Variants in GNAO1 observed in about 807,000 individuals in gnomAD.
GNAO1 encodes G protein subunit alpha o1.
For missense variants in GNAO1, 166 were observed against 478.7 expected (o/e 0.35, Z 6.10); for synonymous variants, 164 against 180.7 (o/e 0.91, Z 0.74).
chr16:56,216,567 A>G (rs770808773), intron 2 of GNAO1, among the ~76,000 whole-genome samples: 8 of 152,252 alleles, frequency 5.3e-5, no homozygotes, highest in African/African-American at 9.6e-5. Flanking sequence ...TAAGTGTTCA[A>G]GTCTTGTCTC....
chr16:56,206,324 T>TA (rs562270212), intron 2 of GNAO1, among the ~76,000 whole-genome samples: 16,363 of 113,118 alleles, frequency 0.14, 1,110 homozygotes, highest in African/African-American at 0.18. Flanking sequence ...CATCTCAATT[T>TA]AAAAAAAAAA....
chr16:56,324,321 G>A (rs880788), intron 3 of GNAO1, among the ~76,000 whole-genome samples: 1 of 152,140 alleles, frequency 6.6e-6, no homozygotes, highest in African/African-American at 2.4e-5. Context: ...TGATCCTCAG[G>A]TCCAGGGAAG....
At chr16:56,251,348 AGTTCT>A (rs1236379772) in intron 2 of GNAO1, among the ~76,000 whole-genome samples, 3 of 152,252 alleles carry the variant, frequency 2.0e-5, no homozygotes, top group African/African-American at 7.2e-5. Flanking sequence ...CGAGGAGAGA[AGTTCT>A]TAAAACTTCT....
chr16:56,195,819 A>G (rs1445994059), intron 2 of GNAO1, among the ~76,000 whole-genome samples: 1 of 152,234 alleles, frequency 6.6e-6, no homozygotes, highest in African/African-American at 2.4e-5. Flanking sequence ...CAGAAGAGCA[A>G]AGAGTCATTC....
At chr16:56,255,005 G>A (rs1223410122) in intron 2 of GNAO1, among the ~76,000 whole-genome samples, 1 of 152,096 alleles carries the variant, frequency 6.6e-6, no homozygotes, top group Non-Finnish European at 1.5e-5. Flanking sequence ...CGTTAAAATT[G>A]TTTCCCTGTC....
intron 2 of GNAO1, among the ~76,000 whole-genome samples, chr16:56,222,396 AGTGGGCTGTCCATCTAAAGGT>A (rs2036498593): frequency 6.6e-6 from 1 of 152,196 alleles, no homozygotes; most frequent in Admixed American, 6.5e-5. Context: ...ACTAGGAGGT[AGTGGGCTGTCCATCTAAAGGT>A]GTCCTTATAA....
intron 2 of GNAO1, among the ~76,000 whole-genome samples, chr16:56,274,789 A>T (rs1418651339): frequency 6.6e-6 from 1 of 152,216 alleles, no homozygotes; most frequent in African/African-American, 2.4e-5. Context: ...CTGCTAATGG[A>T]TACAAAGTTC....
chr16:56,318,434 G>GTC (rs1371157122), intron 3 of GNAO1, among the ~76,000 whole-genome samples: 1 of 152,224 alleles, frequency 6.6e-6, no homozygotes, highest in African/African-American at 2.4e-5. Flanking sequence ...GCAATGCCTG[G>GTC]TCTCTGGCTC....
At chr16:56,213,496 G>T in intron 2 of GNAO1, 1 of 394,824 alleles carries the variant, frequency 2.5e-6, no homozygotes, top group Middle Eastern at 6.4e-4. Context: ...GTTAGTTTTG[G>T]TTTTGGGGGT....
At chr16:56,202,843 A>C (rs1384493761) in intron 2 of GNAO1, among the ~76,000 whole-genome samples, 1 of 152,228 alleles carries the variant, frequency 6.6e-6, no homozygotes, top group Non-Finnish European at 1.5e-5. Flanking sequence ...TATTTGTCTC[A>C]CACCTATTAT....
chr16:56,346,026 T>A, intron 6 of GNAO1: 1 of 985,126 alleles, frequency 1.0e-6, no homozygotes, highest in Non-Finnish European at 1.2e-6. Context: ...TCCCTAGAAC[T>A]GGGGCTGGAG....
At chr16:56,347,027 A>G in intron 6 of GNAO1, 2 of 985,440 alleles carry the variant, frequency 2.0e-6, no homozygotes, top group Admixed American at 6.1e-5. Flanking sequence ...TCTAGCCTGC[A>G]TCCTTCCTGG....
intron 3 of GNAO1, among the ~76,000 whole-genome samples, chr16:56,309,491 C>T (rs1198485110): frequency 6.6e-6 from 1 of 152,146 alleles, no homozygotes; most frequent in Admixed American, 6.5e-5. Context: ...ACCTTGAAAC[C>T]AAGACCAAGG....
intron 2 of GNAO1, among the ~76,000 whole-genome samples, chr16:56,252,718 C>G (rs763806548): frequency 6.6e-6 from 1 of 152,214 alleles, no homozygotes; most frequent in Non-Finnish European, 1.5e-5. Flanking sequence ...CATCCACACC[C>G]CCACATCAGG....
intron 2 of GNAO1, among the ~76,000 whole-genome samples, chr16:56,232,690 T>G (rs531069884): frequency 6.6e-6 from 1 of 152,340 alleles, no homozygotes; most frequent in South Asian, 2.1e-4. Context: ...TACTCAGCAC[T>G]TACTTTTCAT....
chr16:56,256,716 CTCTGTGTGTGTGTGTGTGTGTG>C (rs1369269901), intron 2 of GNAO1, among the ~76,000 whole-genome samples: 38 of 90,366 alleles, frequency 4.2e-4, no homozygotes, highest in Middle Eastern at 6.5e-3. Context: ...CTCTCTCTCT[CTCTGTGTGTGTGTGTGTGTGTG>C]TGTGTGTGTG....
chr16:56,252,356 A>C (rs1398801154), intron 2 of GNAO1, among the ~76,000 whole-genome samples: 4 of 152,194 alleles, frequency 2.6e-5, no homozygotes, highest in Non-Finnish European at 4.4e-5. Flanking sequence ...AAGGCTAGGG[A>C]AAGCAGTAAG....
chr16:56,195,942 G>A (rs1284805577), intron 2 of GNAO1, among the ~76,000 whole-genome samples: 1 of 152,174 alleles, frequency 6.6e-6, no homozygotes, highest in Non-Finnish European at 1.5e-5. Context: ...GGCAATTGCT[G>A]TTTAGAACAA....
intron 2 of GNAO1, among the ~76,000 whole-genome samples, chr16:56,256,758 G>GTT (rs1305689638): frequency 7.0e-5 from 10 of 142,430 alleles, no homozygotes; most frequent in Middle Eastern, 3.5e-3. Context: ...GTGTGTGTGT[G>GTT]TTTGTCTTTT....
Sources: gnomAD v4.1 joint callset for allele counts (sites outside exome capture counted in the v4.1 genomes callset) on GRCh38, gnomAD v4.1.1 for gene constraint, MANE v1.5 for transcripts, NCBI Gene and HGNC (gene_info 2026-07-23, HGNC 2026-07-21) for gene names.